BTBD9: variants seen among roughly 807,000 people sequenced by gnomAD.
BTBD9 encodes the protein BTB domain containing 9.
Under a neutral mutation model 64.3 loss-of-function variants are expected in BTBD9, and 49 were observed. The ratio of observed to expected loss-of-function variants is 0.76; its 90% CI spans 0.61 to 0.97. BTBD9 has a LOEUF of 0.97. BTBD9 is among the 50% of genes least tolerant of loss of function. The pLI is 0.00. For synonymous variants in BTBD9, 260 were observed against 274.7 expected (o/e 0.95, Z 0.53); for missense variants, 598 against 762.1 (o/e 0.78, Z 2.53).
intron 6 of BTBD9, among the ~76,000 whole-genome samples, chr6:38,524,781 T>C (rs1024120630): frequency 6.6e-6 from 1 of 152,170 alleles, no homozygotes; most frequent in Non-Finnish European, 1.5e-5. Context: ...ACAAAGAGTT[T>C]TGAACTCTGC....
intron 9 of BTBD9, among the ~76,000 whole-genome samples, chr6:38,221,136 T>G (rs948623431): frequency 2.0e-5 from 3 of 152,188 alleles, no homozygotes; most frequent in Admixed American, 1.3e-4. Context: ...TATTAATCAG[T>G]CCCTCTGCCC....
At chr6:38,371,528 T>A (rs764300041) in intron 6 of BTBD9, among the ~76,000 whole-genome samples, 20 of 152,164 alleles carry the variant, frequency 1.3e-4, no homozygotes, top group Non-Finnish European at 2.6e-4. Context: ...CACAGCCCTG[T>A]GCAGAGGCAC....
In BTBD9 at chr6:38,587,548, C is replaced by A. The variant is rs1406558852; in HGVS notation, c.814+5028G>T. On this transcript the variant is annotated intron_variant, in intron 4 of 10. Coordinates refer to ENST00000481247, the MANE Select transcript of BTBD9 (RefSeq NM_001099272.2). The stretch of plus-strand genomic sequence containing the variant: ...TATAACAATTTTTGATAGTTCTGAT[C>A]TTTCCTTTGCAATTCAGTGTAGTAG... 70 of 575,198 alleles carry A rather than the reference C, an allele frequency of 1.2e-4. 1 individual carries two copies. In the Admixed American group the frequency reaches 1.5e-3, roughly 12 times the overall value. The allele number at this position is 575,198 out of a possible 1,614,324, so 35.6% of individuals were successfully genotyped here. A position where few individuals can be genotyped will look rare whatever the true frequency, so the allele number is the denominator to read the frequency against.
chr6:38,504,064 A>G (rs2127403285), intron 6 of BTBD9, among the ~76,000 whole-genome samples: 1 of 152,144 alleles, frequency 6.6e-6, no homozygotes, highest in African/African-American at 2.4e-5. Flanking sequence ...TTCAGCTTAG[A>G]TACTATGGTC....
chr6:38,534,012 G>A (rs1476105747), intron 6 of BTBD9, among the ~76,000 whole-genome samples: 1 of 151,430 alleles, frequency 6.6e-6, no homozygotes, highest in South Asian at 2.1e-4. Flanking sequence ...ATGAGTAAAA[G>A]AAAATAAATA....
intron 6 of BTBD9, among the ~76,000 whole-genome samples, chr6:38,571,035 C>T (rs1775739829): frequency 6.6e-6 from 1 of 152,186 alleles, no homozygotes. Flanking sequence ...CTTGCTAGTT[C>T]AATTGTAATA....
chr6:38,595,025 C>A (rs901711350), intron 2 of BTBD9, among the ~76,000 whole-genome samples: 5 of 152,258 alleles, frequency 3.3e-5, no homozygotes, highest in Middle Eastern at 6.8e-3. Context: ...CTGTGATATA[C>A]GCATTCTATG....
chr6:38,315,893 A>T (rs182476236), intron 7 of BTBD9, among the ~76,000 whole-genome samples: 61 of 152,294 alleles, frequency 4.0e-4, no homozygotes, highest in Non-Finnish European at 7.4e-5. Context: ...GATCGGTCCA[A>T]TGCTGAAAGT....
In BTBD9 at chr6:38,491,272, C is replaced by T. The variant is rs550289431; in HGVS notation, c.1154+86328G>A. On this transcript the variant is annotated intron_variant, in intron 6 of 10. Coordinates refer to ENST00000481247, the MANE Select transcript of BTBD9 (RefSeq NM_001099272.2). ...CAATATCGTGAAATAAGAATATGTG[C>T]TTTGAAGTATTAAGGTGCTGGCAAG... 5.9e-5 allele frequency among the ~76,000 whole-genome samples: 9 copies of T among 152,250 alleles called. No homozygotes were observed. In the South Asian group the frequency reaches 1.9e-3, roughly 32 times the overall value.
chr6:38,263,983 G>A (rs776934443), intron 8 of BTBD9, among the ~76,000 whole-genome samples: 11 of 152,198 alleles, frequency 7.2e-5, no homozygotes, highest in African/African-American at 2.7e-4. Context: ...GGACCAGAGA[G>A]ACAACGAGGT....
intron 6 of BTBD9, among the ~76,000 whole-genome samples, chr6:38,365,725 C>T (rs983639167): frequency 6.8e-6 from 1 of 147,414 alleles, no homozygotes; most frequent in Admixed American, 6.9e-5. Flanking sequence ...GACACTCTAC[C>T]TTCAGCCTGG....
chr6:38,342,390 G>A (rs946017545), intron 7 of BTBD9, among the ~76,000 whole-genome samples: 1 of 151,926 alleles, frequency 6.6e-6, no homozygotes, highest in African/African-American at 2.4e-5. Context: ...ACAAAAATTA[G>A]CCAGGCGTTG....
chr6:38,353,452 G>C (rs923384684), intron 6 of BTBD9, among the ~76,000 whole-genome samples: 7 of 151,990 alleles, frequency 4.6e-5, no homozygotes, highest in African/African-American at 1.2e-4. Context: ...AGAAAGAGAG[G>C]AGCAAGGGAG....
At chr6:38,213,040 C>A (rs756095291) in intron 9 of BTBD9, among the ~76,000 whole-genome samples, 3 of 150,390 alleles carry the variant, frequency 2.0e-5, no homozygotes, top group Non-Finnish European at 3.0e-5. Context: ...TTTTTTAAGG[C>A]TGCTTTTGTG....
chr6:38,339,836 G>T (rs1300392266), intron 7 of BTBD9, among the ~76,000 whole-genome samples: 2 of 152,176 alleles, frequency 1.3e-5, no homozygotes, highest in Non-Finnish European at 2.9e-5. Flanking sequence ...GAACCTAATT[G>T]TATACTGAAA....
At chr6:38,193,338 C>T (rs1249219859) in intron 9 of BTBD9, among the ~76,000 whole-genome samples, 7 of 152,152 alleles carry the variant, frequency 4.6e-5, no homozygotes, top group Admixed American at 1.3e-4. Flanking sequence ...CCTCTGACCC[C>T]ACCATGTGAG....
At chr6:38,327,373 G>C (rs556707534) in intron 7 of BTBD9, among the ~76,000 whole-genome samples, 1 of 152,260 alleles carries the variant, frequency 6.6e-6, no homozygotes. Context: ...TATGAAGCAG[G>C]AAGGGGCCAG....
At chr6:38,448,497 C>CT (rs950826277) in intron 6 of BTBD9, among the ~76,000 whole-genome samples, 11 of 152,122 alleles carry the variant, frequency 7.2e-5, no homozygotes, top group African/African-American at 2.7e-4. Flanking sequence ...CTATCCCGCT[C>CT]TTTTTTTGCT....
intron 9 of BTBD9, among the ~76,000 whole-genome samples, chr6:38,204,792 C>T (rs1423962898): frequency 6.6e-6 from 1 of 151,844 alleles, no homozygotes; most frequent in African/African-American, 2.4e-5. Context: ...AAAGTAATGA[C>T]TCAGAGGACA....
Sources: allele counts gnomAD v4.1 joint callset (sites outside exome capture counted in the v4.1 genomes callset), GRCh38; gene constraint gnomAD v4.1.1; transcripts MANE v1.5; gene names NCBI Gene and HGNC (gene_info 2026-07-23, HGNC 2026-07-21).